Variants in MYCBP2 observed in about 807,000 individuals in gnomAD.
MYCBP2 encodes MYC binding protein 2, also known as E3 ubiquitin-protein ligase MYCBP2.
A neutral mutation model predicts 525.3 loss-of-function variants in MYCBP2; 120 were observed. The ratio of observed to expected loss-of-function variants is 0.23; its 90% CI spans 0.20 to 0.27. MYCBP2 has a LOEUF of 0.27. Among genes scored for constraint, MYCBP2 ranks in the 10% least tolerant of loss-of-function variants. MYCBP2 has a pLI of 1.00. For missense variants in MYCBP2, 4,149 were observed against 5,657.1 expected (o/e 0.73, Z 8.55); for synonymous variants, 1,894 against 1,955.8 (o/e 0.97, Z 0.83).
In MYCBP2 at chr13:77,172,688, G is replaced by A. The variant is rs533448544; in HGVS notation, c.5652-1054C>T. Among the ~76,000 whole-genome samples, 5 of 152,300 alleles carry A rather than the reference G, an allele frequency of 3.3e-5. No homozygotes were observed. The South Asian group carries it at 1.0e-3, about 32-fold the overall frequency. ...TTGATGAACTAGGTGTAAAGTATGAGGGAAAGAGAAGTCCAGAATGACTCC... is the reference window on the plus strand; with the variant it reads ...TTGATGAACTAGGTGTAAAGTATGAAGGAAAGAGAAGTCCAGAATGACTCC... On this transcript the variant is annotated intron_variant, in intron 37 of 82. Transcript: ENST00000544440.
intron 1 of MYCBP2, among the ~76,000 whole-genome samples, chr13:77,306,654 T>C (rs1020621952): frequency 1.3e-5 from 2 of 152,202 alleles, no homozygotes; most frequent in African/African-American, 4.8e-5. Context: ...TAAGTAAACA[T>C]AGGCTAGGTA....
chr13:77,169,797 T>G (rs1180407842), intron 38 of MYCBP2, 83 bp from the exon 39 acceptor site: 1 of 1,191,694 alleles, frequency 8.4e-7, no homozygotes, highest in African/African-American at 1.5e-5. Flanking sequence ...TAAATCTATA[T>G]TCTGCTCTTT....
Position 77,261,299 on chromosome 13 carries a change from G to A in MYCBP2, c.1724C>T (p.Pro575Leu), listed in dbSNP as rs1487372025. ...GPSAGKWVEL[P>L]ITKSPKIVHF... Reference sequence around the variant, plus strand: ...TACTATCTTTGGAGATTTTGTAATTGGTAGCTCAACCCATTTTCCTGCTGA... The same window carrying A: ...TACTATCTTTGGAGATTTTGTAATTAGTAGCTCAACCCATTTTCCTGCTGA... The change falls in exon 12 of 83, where the codon CCA becomes CTA. Residue 575 changes from proline to leucine, a missense_variant. Transcript: ENST00000544440. 6 of 1,612,906 alleles carry A rather than the reference G, an allele frequency of 3.7e-6. No homozygotes were observed. The East Asian group carries it at 1.3e-4, about 36-fold the overall frequency.
chr13:77,187,614 G>T (rs1390726433), intron 30 of MYCBP2, among the ~76,000 whole-genome samples: 1 of 152,178 alleles, frequency 6.6e-6, no homozygotes, highest in African/African-American at 2.4e-5. Context: ...CAAATGTACT[G>T]CCAGGGAAGG....
At chr13:77,090,873 T>C (rs895654500) in intron 59 of MYCBP2, among the ~76,000 whole-genome samples, 3 of 152,172 alleles carry the variant, frequency 2.0e-5, no homozygotes, top group Non-Finnish European at 2.9e-5. Context: ...AGCTTTTCTA[T>C]TTATTAAAGC....
At chr13:77,158,755 T>A (rs1291764921) in intron 44 of MYCBP2, among the ~76,000 whole-genome samples, 2 of 152,148 alleles carry the variant, frequency 1.3e-5, no homozygotes, top group Non-Finnish European at 2.9e-5. Flanking sequence ...GCTTCCCTCT[T>A]TTTCAGTCCC....
At chr13:77,168,706 T>C in intron 39 of MYCBP2, 60 bp from the exon 40 acceptor site, 1 of 1,454,284 alleles carries the variant, frequency 6.9e-7, no homozygotes, top group Non-Finnish European at 9.6e-7. Flanking sequence ...TCTAAAATTA[T>C]GCATTACAAT....
At chr13:77,254,056 CA>C (rs1441364707) in intron 14 of MYCBP2, among the ~76,000 whole-genome samples, 4 of 151,648 alleles carry the variant, frequency 2.6e-5, no homozygotes, top group Non-Finnish European at 5.9e-5. Flanking sequence ...CATTAGTTAA[CA>C]TGAATCATTT....
chr13:77,076,713 A>AAAAGGG, intron 68 of MYCBP2, 38 bp downstream of exon 68: 3 of 1,286,420 alleles, frequency 2.3e-6, no homozygotes, highest in Non-Finnish European at 3.3e-6. Flanking sequence ...AAAAGAATAA[A>AAAAGGG]AAAGGGAAAT....
At chr13:77,147,737 TCA>T (rs1410986458) in intron 47 of MYCBP2, among the ~76,000 whole-genome samples, 1 of 152,108 alleles carries the variant, frequency 6.6e-6, no homozygotes, top group African/African-American at 2.4e-5. Flanking sequence ...TTCTATTTCA[TCA>T]CTCTCCCTCA....
Position 77,205,174 on chromosome 13 carries a change from A to T in MYCBP2, c.3843+82T>A, listed in dbSNP as rs997707909. 102 of 1,242,344 alleles carry T rather than the reference A, an allele frequency of 8.2e-5. 1 individual carries two copies. Among genetic ancestry groups the T allele is most frequent in the Non-Finnish European group, 1.0e-4 (97 of 957,970 alleles). 77.0% of individuals were successfully genotyped at this position (1,242,344 alleles called of 1,614,324 possible). On this transcript the variant is annotated intron_variant, in intron 26 of 82. Transcript: ENST00000544440. The stretch of plus-strand genomic sequence containing the variant: ...AACCCAGTTAAAAAGGAAAAAAATT[A>T]GACATTAAATAATAAAATAATAAAT...
At chr13:77,245,581 G>A (rs1256078407) in intron 15 of MYCBP2, among the ~76,000 whole-genome samples, 1 of 137,032 alleles carries the variant, frequency 7.3e-6, no homozygotes, top group African/African-American at 2.7e-5. Flanking sequence ...ACAGGAAAGG[G>A]AACATCACAT....
At chr13:77,206,614 A>G (rs371704019) in intron 24 of MYCBP2, 39 bp downstream of exon 24, 8 of 1,514,042 alleles carry the variant, frequency 5.3e-6, no homozygotes, top group Non-Finnish European at 7.1e-6. Context: ...GACAGCACAC[A>G]TTAATGTGAA....
intron 73 of MYCBP2, among the ~76,000 whole-genome samples, chr13:77,063,859 T>C (rs2039764637): frequency 6.6e-6 from 1 of 152,196 alleles, no homozygotes; most frequent in Admixed American, 6.5e-5. Flanking sequence ...CTGTCAAAAA[T>C]ACCTATTTCA....
At chr13:77,102,144 C>T (rs1394727887) in intron 55 of MYCBP2, among the ~76,000 whole-genome samples, 1 of 151,370 alleles carries the variant, frequency 6.6e-6, no homozygotes, top group Non-Finnish European at 1.5e-5. Context: ...TTTTTCATGC[C>T]CAAATCTTAA....
intron 55 of MYCBP2, among the ~76,000 whole-genome samples, chr13:77,111,297 T>A (rs2048774999): frequency 6.6e-6 from 1 of 152,192 alleles, no homozygotes; most frequent in Non-Finnish European, 1.5e-5. Context: ...AGCTAAGTCA[T>A]CCAACCGAAC....
intron 11 of MYCBP2, among the ~76,000 whole-genome samples, chr13:77,261,646 A>G (rs1447905746): frequency 6.6e-6 from 1 of 152,048 alleles, no homozygotes; most frequent in Non-Finnish European, 1.5e-5. Flanking sequence ...TAAAATAATT[A>G]CAATAGTAAC....
intron 23 of MYCBP2, among the ~76,000 whole-genome samples, chr13:77,208,824 G>T (rs1163081481): frequency 1.3e-5 from 2 of 152,050 alleles, no homozygotes; most frequent in Non-Finnish European, 2.9e-5. Flanking sequence ...CATATTATTT[G>T]TGTAAATTTG....
At chr13:77,269,563 T>C (rs1421816071) in intron 7 of MYCBP2, among the ~76,000 whole-genome samples, 3 of 151,976 alleles carry the variant, frequency 2.0e-5, no homozygotes, top group African/African-American at 7.3e-5. Flanking sequence ...GAGGCAGAGG[T>C]TGCAGTGAGC....
Sources: allele counts gnomAD v4.1 joint callset (sites outside exome capture counted in the v4.1 genomes callset), GRCh38; gene constraint gnomAD v4.1.1; transcripts MANE v1.5; gene names NCBI Gene and HGNC (gene_info 2026-07-23, HGNC 2026-07-21).